CNBD1: variants seen among roughly 807,000 people sequenced by gnomAD.
CNBD1 encodes cyclic nucleotide-binding domain-containing protein 1.
A neutral mutation model predicts 54.4 loss-of-function variants in CNBD1; 71 were observed. The ratio of observed to expected loss-of-function variants is 1.30; its 90% CI spans 1.08 to 1.59. The LOEUF (loss-of-function observed/expected upper bound fraction) is 1.59, where lower values mean the gene tolerates loss of function less well. Among genes scored for constraint, CNBD1 ranks in the 40% most tolerant of loss-of-function variants. The pLI is 0.00. For missense variants in CNBD1, 659 were observed against 518.0 expected (o/e 1.27, Z -2.64); for synonymous variants, 182 against 170.7 (o/e 1.07, Z -0.51).
chr8:87,329,613 ATT>A (rs568946841), intron 8 of CNBD1, among the ~76,000 whole-genome samples: 638 of 152,186 alleles, frequency 4.2e-3, no homozygotes, highest in African/African-American at 0.014. Context: ...ACAGAAATAC[ATT>A]TTGTTAGATT....
At chr8:87,033,515 C>T (rs140789721) in intron 4 of CNBD1, among the ~76,000 whole-genome samples, 54 of 152,260 alleles carry the variant, frequency 3.5e-4, no homozygotes, top group South Asian at 8.3e-4. Context: ...TGATGTTTAT[C>T]TTTTCCCCTC....
chr8:87,373,445 C>A (rs1045910963), intron 10 of CNBD1, among the ~76,000 whole-genome samples: 1 of 151,826 alleles, frequency 6.6e-6, no homozygotes, highest in Non-Finnish European at 1.5e-5. Context: ...AAACATGAAA[C>A]ATTTTGAGAC....
intron 5 of CNBD1, among the ~76,000 whole-genome samples, chr8:87,234,460 G>A (rs1807531435): frequency 6.6e-6 from 1 of 152,176 alleles, no homozygotes. Context: ...TGTGTTAGCA[G>A]GCAGGAAAAC....
intron 4 of CNBD1, among the ~76,000 whole-genome samples, chr8:87,046,312 T>C (rs1212577412): frequency 6.6e-6 from 1 of 151,998 alleles, no homozygotes; most frequent in Non-Finnish European, 1.5e-5. Context: ...CAGTATAGGA[T>C]TGTTGTGTGC....
chr8:86,876,965 A>AATAGTTTG (rs1270851436), intron 1 of CNBD1, among the ~76,000 whole-genome samples: 1 of 152,036 alleles, frequency 6.6e-6, no homozygotes, highest in Non-Finnish European at 1.5e-5. Context: ...AAAAATGTTT[A>AATAGTTTG]ATAGTTTGAT....
At chr8:87,374,759 C>T (rs550015951) in intron 10 of CNBD1, among the ~76,000 whole-genome samples, 3 of 151,820 alleles carry the variant, frequency 2.0e-5, no homozygotes, top group South Asian at 2.1e-4. Context: ...AGCAGCATCA[C>T]GTGATGATGA....
chr8:87,265,174 T>C (rs1395281142), intron 6 of CNBD1, among the ~76,000 whole-genome samples: 1 of 152,124 alleles, frequency 6.6e-6, no homozygotes, highest in Non-Finnish European at 1.5e-5. Context: ...AATTAATTTT[T>C]GTATAAGGTG....
chr8:87,418,913 C>G (rs1807880087), intron 2 of CNBD1, among the ~76,000 whole-genome samples: 1 of 151,844 alleles, frequency 6.6e-6, no homozygotes, highest in Non-Finnish European at 1.5e-5. Context: ...AAAAGCAAAC[C>G]ATTGACTTTT....
chr8:87,338,329 A>T (rs10091608), intron 8 of CNBD1, among the ~76,000 whole-genome samples: 1,883 of 152,084 alleles, frequency 0.012, 45 homozygotes, highest in African/African-American at 0.042. Flanking sequence ...CTTTTCTCTA[A>T]ATATTTCTTT....
chr8:86,992,975 T>C (rs922184817), intron 4 of CNBD1, among the ~76,000 whole-genome samples: 2 of 152,158 alleles, frequency 1.3e-5, no homozygotes, highest in African/African-American at 2.4e-5. Context: ...GTTCTCTGTA[T>C]TTCTTGAATT....
rs1811231719 is a variant in CNBD1, at chr8:87,092,483, A to G, written c.432-113510A>G. Among the ~76,000 whole-genome samples the G allele has an allele frequency of 2.1e-5, 3 of 141,166 alleles. No individual in the cohort carries two copies. The South Asian group carries it at 6.6e-4, about 31-fold the overall frequency. 92.6% of individuals were successfully genotyped at this position (141,166 alleles called of 152,430 possible). ...TGTGTGTGTGTGTATATATATACAC[A>G]TATGTGTGTGTGTATATATATGTGT... On this transcript the variant is annotated intron_variant, in intron 4 of 10. Coordinates refer to ENST00000518476, the MANE Select transcript of CNBD1 (RefSeq NM_173538.3).
intron 4 of CNBD1, among the ~76,000 whole-genome samples, chr8:87,110,009 A>G (rs2130703070): frequency 6.6e-6 from 1 of 152,286 alleles, no homozygotes; most frequent in Non-Finnish European, 1.5e-5. Context: ...CTGAGAAAAC[A>G]GCTAAACCAT....
intron 8 of CNBD1, among the ~76,000 whole-genome samples, chr8:87,319,183 G>C (rs1441924835): frequency 6.6e-6 from 1 of 152,026 alleles, no homozygotes; most frequent in Non-Finnish European, 1.5e-5. Flanking sequence ...TTCACATTTA[G>C]AATAACACTA....
intron 4 of CNBD1, among the ~76,000 whole-genome samples, chr8:87,191,250 T>G (rs1243451210): frequency 6.6e-6 from 1 of 151,722 alleles, no homozygotes; most frequent in Non-Finnish European, 1.5e-5. Context: ...GAATCTGAGG[T>G]TCAAGGGCAG....
rs114971602 is a variant in CNBD1, at chr8:87,255,531, T to G, written c.771+18419T>G. ...ATATAGATTTGATAATCTTAAATATTTGAAAAATCTATATAAATATAATCA... is the reference window on the plus strand; with the variant it reads ...ATATAGATTTGATAATCTTAAATATGTGAAAAATCTATATAAATATAATCA... On this transcript the variant is annotated intron_variant, in intron 6 of 10. Transcript: ENST00000518476. Among the ~76,000 whole-genome samples, 402 of 152,178 alleles carry G rather than the reference T, an allele frequency of 2.6e-3. 1 individual carries two copies. The highest frequency in any genetic ancestry group is 9.2e-3 in the African/African-American group (384 of 41,554).
At chr8:87,082,204 G>A (rs527323548) in intron 4 of CNBD1, among the ~76,000 whole-genome samples, 5 of 151,870 alleles carry the variant, frequency 3.3e-5, no homozygotes, top group East Asian at 1.9e-4. Context: ...CATTCCCCCC[G>A]GACAATGAGT....
chr8:87,046,812 A>AT (rs1401176533), intron 4 of CNBD1, among the ~76,000 whole-genome samples: 1 of 152,124 alleles, frequency 6.6e-6, no homozygotes, highest in African/African-American at 2.4e-5. Flanking sequence ...ATCTCAGTTG[A>AT]TTCTTAATGC....
downstream of CNBD1, among the ~76,000 whole-genome samples, chr8:87,383,182 C>T (rs1160411429): frequency 6.6e-6 from 1 of 151,780 alleles, no homozygotes. Context: ...AAGTCATTTC[C>T]TTGATGTGAT....
At chr8:86,982,296 T>C (rs562470778) in intron 4 of CNBD1, among the ~76,000 whole-genome samples, 57 of 152,312 alleles carry the variant, frequency 3.7e-4, no homozygotes, top group South Asian at 2.1e-3. Flanking sequence ...AGTCATGCAT[T>C]TTCTGCAAAT....
Sources: gnomAD v4.1 joint callset for allele counts (sites outside exome capture counted in the v4.1 genomes callset) on GRCh38, gnomAD v4.1.1 for gene constraint, MANE v1.5 for transcripts, NCBI Gene and HGNC (gene_info 2026-07-23, HGNC 2026-07-21) for gene names.